RASGRP3: variants seen among roughly 807,000 people sequenced by gnomAD.
RASGRP3 encodes the protein RAS guanyl releasing protein 3.
Under a neutral mutation model 82.7 loss-of-function variants are expected in RASGRP3, and 54 were observed. The ratio of observed to expected loss-of-function variants is 0.65; its 90% CI spans 0.52 to 0.82. The LOEUF (loss-of-function observed/expected upper bound fraction) is 0.82. Ranked by LOEUF, RASGRP3 falls within the 40% of genes least tolerant of loss-of-function variation. The probability of loss-of-function intolerance (pLI) is 0.00; values close to 1 mark genes in which losing one functional copy is unlikely to be tolerated. For synonymous variants in RASGRP3, 309 were observed against 300.5 expected (o/e 1.03, Z -0.29); for missense variants, 861 against 828.9 (o/e 1.04, Z -0.48).
chr2:33,523,646 G>T (rs912337067), intron 7 of RASGRP3, among the ~76,000 whole-genome samples: 2 of 152,134 alleles, frequency 1.3e-5, no homozygotes, highest in African/African-American at 4.8e-5. Context: ...CCAAAGCTGT[G>T]ATGTGTAGTA....
At chr2:33,464,460 TG>T (rs1666568356) in intron 2 of RASGRP3, among the ~76,000 whole-genome samples, 1 of 141,768 alleles carries the variant, frequency 7.1e-6, no homozygotes, top group Non-Finnish European at 1.5e-5. Context: ...TGGTGATCTG[TG>T]ATCAGTGATC....
At chr2:33,557,354 G>T (rs1251626853) in intron 15 of RASGRP3, among the ~76,000 whole-genome samples, 1 of 152,206 alleles carries the variant, frequency 6.6e-6, no homozygotes, top group African/African-American at 2.4e-5. Flanking sequence ...CTTGTGTTCT[G>T]TTGGAAGCAG....
rs937718836 is a variant in RASGRP3 at position 33,564,016 on chromosome 2, A to G, written c.*1279A>G. 1 of 152,170 alleles carries G rather than the reference A, an allele frequency of 6.6e-6. No homozygotes were observed. Among genetic ancestry groups the G allele is most frequent in the Non-Finnish European group, 1.5e-5 (1 of 68,046 alleles). 9.4% of individuals were successfully genotyped at this position (152,170 alleles called of 1,614,324 possible). A position where few individuals can be genotyped will look rare whatever the true frequency, so the allele number is the denominator to read the frequency against. On this transcript the variant is annotated 3_prime_UTR_variant, in exon 18 of 18. Transcript: ENST00000403687. ...ACTACACAGACGTGCACTGGTCTGCATTTGGGGGCTAAAGTGTATATATTC... is the reference window on the plus strand; with the variant it reads ...ACTACACAGACGTGCACTGGTCTGCGTTTGGGGGCTAAAGTGTATATATTC...
At chr2:33,520,094 A>G (rs1671880352) in intron 5 of RASGRP3, 80 bp downstream of exon 5, 1 of 1,183,372 alleles carries the variant, frequency 8.5e-7, no homozygotes, top group Admixed American at 2.1e-5. Context: ...CAAGCTGCAG[A>G]CCTAGTTTGA....
chr2:33,547,762 C>A (rs577551898), intron 13 of RASGRP3, among the ~76,000 whole-genome samples: 1 of 152,202 alleles, frequency 6.6e-6, no homozygotes, highest in Non-Finnish European at 1.5e-5. Context: ...AATGAGCCTT[C>A]AGGGACTCGC....
rs1358493827 is a variant in RASGRP3, at chr2:33,521,958, T to C, written c.372T>C (p.Pro124=). 1.2e-6 allele frequency: 2 copies of C among 1,606,730 alleles called. No homozygotes were observed. Among genetic ancestry groups the C allele is most frequent in the South Asian group, 2.2e-5 (2 of 89,150 alleles). ...HVSLIDISSI[P]SYDWMRRVTQ... is the part of the protein sequence containing the mutation. ...CGGACTCACTCTTCTTTTATAGTCC[T>C]TCCTATGACTGGATGAGAAGAGTCA... is the stretch of plus-strand genomic sequence containing the variant. Residue 124 remains proline (P), a synonymous_variant, in exon 7 of 18, where the codon CCT becomes CCC. Transcript: ENST00000403687.
intron 2 of RASGRP3, among the ~76,000 whole-genome samples, chr2:33,514,617 C>T (rs1574392496): frequency 6.6e-6 from 1 of 150,608 alleles, no homozygotes; most frequent in Non-Finnish European, 1.5e-5. Flanking sequence ...CCCGGGAGGT[C>T]GAGGCTGCTG....
intron 11 of RASGRP3, among the ~76,000 whole-genome samples, chr2:33,537,330 C>CGCCAACACA (rs149899270): frequency 1.0e-5 from 1 of 95,690 alleles, no homozygotes; most frequent in Admixed American, 1.2e-4. Context: ...ACCGCCCCCC[C>CGCCAACACA]CACACACACA....
chr2:33,464,110 A>AATTATTATTATTATTATT (rs70938402), intron 2 of RASGRP3, among the ~76,000 whole-genome samples: 8 of 144,264 alleles, frequency 5.5e-5, no homozygotes, highest in African/African-American at 1.6e-4. Flanking sequence ...TAATAATAAT[A>AATTATTATTATTATTATT]ATTATTATTA....
chr2:33,562,410 G>C (rs1181610065), intron 17 of RASGRP3, among the ~76,000 whole-genome samples: 1 of 151,936 alleles, frequency 6.6e-6, no homozygotes, highest in Non-Finnish European at 1.5e-5. Context: ...TGGGACTGCA[G>C]GCATATGCCA....
At chr2:33,453,673 C>T (rs1318427059) in intron 2 of RASGRP3, among the ~76,000 whole-genome samples, 1 of 152,146 alleles carries the variant, frequency 6.6e-6, no homozygotes, top group Non-Finnish European at 1.5e-5. Flanking sequence ...ATTGGTCACT[C>T]AGGGTCAGTC....
chr2:33,451,825 CT>C, intron 2 of RASGRP3, among the ~76,000 whole-genome samples: 1 of 152,046 alleles, frequency 6.6e-6, no homozygotes, highest in East Asian at 1.9e-4. Context: ...TTTTTTCTTT[CT>C]TTGCTACTTT....
At chr2:33,507,808 G>C (rs947559517) in intron 1 of RASGRP3, among the ~76,000 whole-genome samples, 2 of 152,226 alleles carry the variant, frequency 1.3e-5, no homozygotes, top group African/African-American at 4.8e-5. Flanking sequence ...TTACAGGCGT[G>C]AGCCACCGTG....
intron 1 of RASGRP3, among the ~76,000 whole-genome samples, chr2:33,487,547 C>T (rs1430848349): frequency 6.6e-6 from 1 of 152,118 alleles, no homozygotes; most frequent in African/African-American, 2.4e-5. Context: ...GGAAAGGATT[C>T]CTTGAAAAGC....
intron 1 of RASGRP3, among the ~76,000 whole-genome samples, chr2:33,504,702 C>T (rs1670189115): frequency 6.6e-6 from 1 of 152,188 alleles, no homozygotes; most frequent in South Asian, 2.1e-4. Context: ...CAGGCTGTGC[C>T]TTCTGTTCAC....
intron 1 of RASGRP3, among the ~76,000 whole-genome samples, chr2:33,507,890 A>G (rs1670543757): frequency 6.6e-6 from 1 of 152,208 alleles, no homozygotes; most frequent in Non-Finnish European, 1.5e-5. Flanking sequence ...GTAAAGACCT[A>G]TACTGTGGAT....
intron 2 of RASGRP3, among the ~76,000 whole-genome samples, chr2:33,449,950 A>G (rs531161641): frequency 9.2e-5 from 14 of 152,260 alleles, no homozygotes; most frequent in African/African-American, 3.4e-4. Flanking sequence ...ATTACCTCAC[A>G]TGATTTCTTT....
At chr2:33,527,755 T>C (rs939298810) in intron 10 of RASGRP3, among the ~76,000 whole-genome samples, 1 of 152,174 alleles carries the variant, frequency 6.6e-6, no homozygotes, top group Admixed American at 6.5e-5. Flanking sequence ...TGTCCTCCAG[T>C]CATCTGCTCC....
intron 1 of RASGRP3, among the ~76,000 whole-genome samples, chr2:33,442,883 G>GTTTTT (rs55978823): frequency 1.4e-5 from 2 of 138,564 alleles, no homozygotes. Flanking sequence ...AATCACTATT[G>GTTTTT]TTTTTTTTTT....
Sources: gnomAD v4.1 joint callset for allele counts (sites outside exome capture counted in the v4.1 genomes callset) on GRCh38, gnomAD v4.1.1 for gene constraint, MANE v1.5 for transcripts, NCBI Gene and HGNC (gene_info 2026-07-23, HGNC 2026-07-21) for gene names.